The following SORCS3 variants were observed in gnomAD, a reference collection of about 807,000 sequenced individuals.
The protein encoded by SORCS3 is sortilin related VPS10 domain containing receptor 3.
Under a neutral mutation model 146.3 loss-of-function variants are expected in SORCS3, and 57 were observed. The ratio of observed to expected loss-of-function variants is 0.39; its 90% CI spans 0.31 to 0.49. The LOEUF is 0.49. Among genes scored for constraint, SORCS3 ranks in the 20% least tolerant of loss-of-function variants. The probability of loss-of-function intolerance (pLI) is 0.92; values close to 1 mark genes in which losing one functional copy is unlikely to be tolerated. For missense variants in SORCS3, 1,341 were observed against 1,575.5 expected (o/e 0.85, Z 2.52); for synonymous variants, 653 against 618.5 (o/e 1.06, Z -0.83).
chr10:104,724,484 G>T (rs1246963910), intron 1 of SORCS3, among the ~76,000 whole-genome samples: 1 of 152,124 alleles, frequency 6.6e-6, no homozygotes, highest in South Asian at 2.1e-4. Context: ...GAGTATCTTT[G>T]TGGCGTTCTC....
chr10:104,653,075 C>T (rs2015583154), intron 1 of SORCS3, among the ~76,000 whole-genome samples: 1 of 152,180 alleles, frequency 6.6e-6, no homozygotes, highest in Non-Finnish European at 1.5e-5. Flanking sequence ...GCAACAAAAT[C>T]TACTAGCACA....
At chr10:104,712,187 T>C (rs1475260426) in intron 1 of SORCS3, among the ~76,000 whole-genome samples, 1 of 152,118 alleles carries the variant, frequency 6.6e-6, no homozygotes, top group Non-Finnish European at 1.5e-5. Flanking sequence ...TTAACAACCT[T>C]GTGAAATATC....
At chr10:105,072,520 T>TAAC (rs1474610825) in intron 5 of SORCS3, among the ~76,000 whole-genome samples, 1 of 152,156 alleles carries the variant, frequency 6.6e-6, no homozygotes, top group Non-Finnish European at 1.5e-5. Context: ...CACAGGAGGC[T>TAAC]AACCGCTCTG....
At chr10:105,237,540 T>C (rs545078104) in intron 20 of SORCS3, among the ~76,000 whole-genome samples, 1 of 152,294 alleles carries the variant, frequency 6.6e-6, no homozygotes, top group East Asian at 1.9e-4. Context: ...AGAGGTGCAT[T>C]TTCAGTGCAG....
intron 1 of SORCS3, among the ~76,000 whole-genome samples, chr10:104,719,835 G>A (rs2016523606): frequency 6.6e-6 from 1 of 152,212 alleles, no homozygotes; most frequent in Admixed American, 6.5e-5. Context: ...GCCGAGATTG[G>A]AAGTGTGTGA....
intron 4 of SORCS3, among the ~76,000 whole-genome samples, chr10:105,011,025 A>T (rs1057261492): frequency 4.3e-4 from 65 of 152,114 alleles, no homozygotes; most frequent in African/African-American, 1.4e-3. Flanking sequence ...AAGGGCAGAG[A>T]AAATCATCAT....
At chr10:105,213,749 C>T (rs1205844069) in intron 17 of SORCS3, among the ~76,000 whole-genome samples, 1 of 151,984 alleles carries the variant, frequency 6.6e-6, no homozygotes, top group South Asian at 2.1e-4. Context: ...TTTCCCATGC[C>T]GACCTCCTCT....
chr10:105,231,219 TTTTGTTTC>T (rs2056763593), intron 20 of SORCS3, among the ~76,000 whole-genome samples: 1 of 152,258 alleles, frequency 6.6e-6, no homozygotes, highest in African/African-American at 2.4e-5. Context: ...TAGTCACTAT[TTTTGTTTC>T]TTCTTTGTGG....
rs60438282 is a variant in SORCS3, at chr10:105,096,103, T to TACACACACACAC, written c.1093+6282_1093+6293dup. ...CCAAGCATTATAATCACCTCACAAA[T>TACACACACACAC]ACACACACACACACACACACACACA... On this transcript the variant is annotated intron_variant, in intron 6 of 26. Transcript: ENST00000369701. 2.8e-3 allele frequency among the ~76,000 whole-genome samples: 411 copies of TACACACACACAC among 145,312 alleles called. 3 individuals carry two copies. Among genetic ancestry groups the TACACACACACAC allele is most frequent in the Non-Finnish European group, 4.1e-3 (272 of 65,636 alleles).
intron 3 of SORCS3, among the ~76,000 whole-genome samples, chr10:104,944,946 G>T (rs1006902933): frequency 6.6e-6 from 1 of 152,078 alleles, no homozygotes; most frequent in African/African-American, 2.4e-5. Context: ...TCACATATTT[G>T]TCAACAGCAA....
intron 7 of SORCS3, among the ~76,000 whole-genome samples, chr10:105,132,112 T>G (rs2056023643): frequency 6.6e-6 from 1 of 152,258 alleles, no homozygotes; most frequent in Non-Finnish European, 1.5e-5. Flanking sequence ...TCAGATAAAC[T>G]TGGGTTCAAA....
At chr10:104,933,733 G>C (rs1589555323) in intron 3 of SORCS3, among the ~76,000 whole-genome samples, 1 of 152,108 alleles carries the variant, frequency 6.6e-6, no homozygotes, top group African/African-American at 2.4e-5. Flanking sequence ...CCATCTTTAT[G>C]CTGGGTCTCC....
chr10:104,816,009 G>C (rs1230515952), intron 1 of SORCS3, among the ~76,000 whole-genome samples: 1 of 152,162 alleles, frequency 6.6e-6, no homozygotes, highest in Non-Finnish European at 1.5e-5. Flanking sequence ...TTTTCTCCCT[G>C]TGAGGGATAG....
chr10:104,723,410 A>G (rs1040188983), intron 1 of SORCS3, among the ~76,000 whole-genome samples: 7 of 152,152 alleles, frequency 4.6e-5, no homozygotes, highest in Non-Finnish European at 8.8e-5. Context: ...TATGTGGTCA[A>G]TTTTGGAATA....
intron 19 of SORCS3, 64 bp from the exon 20 acceptor site, chr10:105,223,052 G>C (rs569078681): frequency 6.7e-7 from 1 of 1,484,750 alleles, no homozygotes; most frequent in South Asian, 1.4e-5. Flanking sequence ...AAGAATCTAG[G>C]GGTGTGATAC....
At chr10:105,098,997 T>C (rs1459905837) in intron 6 of SORCS3, among the ~76,000 whole-genome samples, 1 of 152,232 alleles carries the variant, frequency 6.6e-6, no homozygotes, top group Non-Finnish European at 1.5e-5. Flanking sequence ...TCAAAATCCA[T>C]GAACTCAGTA....
chr10:105,094,492 T>A (rs2055732129), intron 6 of SORCS3, among the ~76,000 whole-genome samples: 1 of 152,230 alleles, frequency 6.6e-6, no homozygotes, highest in South Asian at 2.1e-4. Flanking sequence ...CTTATGCTTT[T>A]ACCCAATCAA....
At chr10:105,197,328 T>G (rs980940874) in intron 14 of SORCS3, among the ~76,000 whole-genome samples, 1 of 152,206 alleles carries the variant, frequency 6.6e-6, no homozygotes, top group Admixed American at 6.5e-5. Flanking sequence ...TGATAAAATA[T>G]ATGTGATTTT....
Sources: gnomAD v4.1 joint callset for allele counts (sites outside exome capture counted in the v4.1 genomes callset) on GRCh38, gnomAD v4.1.1 for gene constraint, MANE v1.5 for transcripts, NCBI Gene and HGNC (gene_info 2026-07-23, HGNC 2026-07-21) for gene names.